The following NUBPL variants were observed in gnomAD, a reference collection of about 807,000 sequenced individuals.
NUBPL encodes the protein iron-sulfur cluster transfer protein NUBPL.
In NUBPL, 31 loss-of-function variants were observed where a neutral mutation model predicts 45.7. That is an observed-to-expected ratio of 0.68 (90% CI 0.51 to 0.92). NUBPL has a LOEUF of 0.92. Ranked by LOEUF, NUBPL falls within the 40% of genes least tolerant of loss-of-function variation. The pLI, the probability that NUBPL is intolerant of heterozygous loss-of-function variation, is 0.00. For synonymous variants in NUBPL, 144 were observed against 140.9 expected, an observed-to-expected ratio of 1.02 and a Z score of -0.15; for missense variants, 401 against 398.7, an observed-to-expected ratio of 1.01 and a Z score of -0.05.
chr14:31,561,866 C>T, intron 1 of NUBPL: 1 of 620,012 alleles, frequency 1.6e-6, no homozygotes, highest in Non-Finnish European at 2.8e-6. Context: ...TTCAGCGTAT[C>T]CTGCTAGAAA....
At chr14:31,813,107 C>A (rs1365952061) in intron 7 of NUBPL, among the ~76,000 whole-genome samples, 3 of 151,584 alleles carry the variant, frequency 2.0e-5, no homozygotes, top group African/African-American at 7.3e-5. Context: ...TCGTTTCAGC[C>A]TCCCAAGTAG....
chr14:31,661,380 T>C (rs1000694647), intron 4 of NUBPL, among the ~76,000 whole-genome samples: 3 of 152,228 alleles, frequency 2.0e-5, no homozygotes, highest in African/African-American at 7.2e-5. Flanking sequence ...TGTAAGTTTT[T>C]CTATTAAGTT....
chr14:31,712,669 G>A (rs11621390), intron 6 of NUBPL, among the ~76,000 whole-genome samples: 9,718 of 152,362 alleles, frequency 0.064, 406 homozygotes, highest in Non-Finnish European at 0.091. Context: ...GTGAGGGCTG[G>A]TAGCATGTTG....
rs556048333 is a variant in NUBPL at position 31,639,869 on chromosome 14, A to G, written c.383-33486A>G. Among the ~76,000 whole-genome samples the G allele has an allele frequency of 1.2e-4, 18 of 152,204 alleles. No individual in the cohort carries two copies. In the South Asian group the frequency reaches 3.5e-3, roughly 30 times the overall value. On this transcript the variant is annotated intron_variant, in intron 4 of 10. Coordinates refer to ENST00000281081, the MANE Select transcript of NUBPL (RefSeq NM_025152.3). ...GCTAGCAATCAGAGAGACTCCGTGG[A>G]CATAGGATGGGATTATATCCAGGTG...
chr14:31,675,488 C>T (rs569489274), intron 6 of NUBPL, among the ~76,000 whole-genome samples: 2 of 152,208 alleles, frequency 1.3e-5, no homozygotes, highest in Admixed American at 6.5e-5. Context: ...AACTTTTGTA[C>T]CTGATTCATT....
At chr14:31,561,836 C>G in intron 1 of NUBPL, 1 of 597,272 alleles carries the variant, frequency 1.7e-6, no homozygotes, top group South Asian at 2.2e-5. Context: ...AAAGAGGCAG[C>G]GTTTTTACAT....
At chr14:31,757,971 A>T (rs1035433879) in intron 6 of NUBPL, among the ~76,000 whole-genome samples, 5 of 152,094 alleles carry the variant, frequency 3.3e-5, no homozygotes, top group African/African-American at 1.2e-4. Context: ...TCTATCTGGA[A>T]ACTTTACCCT....
intron 3 of NUBPL, among the ~76,000 whole-genome samples, chr14:31,580,513 A>C (rs2033834363): frequency 6.6e-6 from 1 of 152,112 alleles, no homozygotes; most frequent in Admixed American, 6.5e-5. Flanking sequence ...AGCTACTCAG[A>C]AGGCTGAGGC....
intron 4 of NUBPL, among the ~76,000 whole-genome samples, chr14:31,672,302 T>TGTGC (rs1457849494): frequency 6.6e-6 from 1 of 151,390 alleles, no homozygotes; most frequent in Admixed American, 6.6e-5. Context: ...TGTGTGTGTG[T>TGTGC]GTGTGCATGC....
chr14:31,685,688 G>C (rs1370517115), intron 6 of NUBPL, among the ~76,000 whole-genome samples: 1 of 152,098 alleles, frequency 6.6e-6, no homozygotes, highest in African/African-American at 2.4e-5. Context: ...TTCCAAATTT[G>C]TGTTTGGAAT....
chr14:31,643,617 GT>G (rs1470266001), intron 4 of NUBPL, among the ~76,000 whole-genome samples: 1 of 151,882 alleles, frequency 6.6e-6, no homozygotes, highest in Non-Finnish European at 1.5e-5. Context: ...TTTTCTTTTT[GT>G]TGTGTTCTTG....
In NUBPL at chr14:31,620,802, C is replaced by T. The variant is rs139476984; in HGVS notation, c.382+21423C>T. ...AGGCAGTCTGCACCTTATCAGAGCTCGAACACTGTGCTGGGAGATCTGCTG... is the reference window on the plus strand; with the variant it reads ...AGGCAGTCTGCACCTTATCAGAGCTTGAACACTGTGCTGGGAGATCTGCTG... On this transcript the variant is annotated intron_variant, in intron 4 of 10. Coordinates refer to ENST00000281081, the MANE Select transcript of NUBPL (RefSeq NM_025152.3). 6.1e-3 allele frequency among the ~76,000 whole-genome samples: 927 copies of T among 152,288 alleles called. 8 individuals carry two copies. Among genetic ancestry groups the T allele is most frequent in the African/African-American group, 0.021 (860 of 41,568 alleles).
chr14:31,817,395 A>C (rs1286576337), intron 7 of NUBPL, among the ~76,000 whole-genome samples: 5 of 152,160 alleles, frequency 3.3e-5, no homozygotes, highest in Non-Finnish European at 7.4e-5. Context: ...CCAAGGTTGA[A>C]ATGAAGGAAA....
At chr14:31,776,830 C>T (rs1285297783) in intron 6 of NUBPL, among the ~76,000 whole-genome samples, 3 of 152,106 alleles carry the variant, frequency 2.0e-5, no homozygotes, top group Non-Finnish European at 4.4e-5. Context: ...AGATAGTAGA[C>T]CTTGGTTAGA....
chr14:31,561,979 T>C (rs1463209834), intron 1 of NUBPL, 89 bp from the exon 2 acceptor site: 2 of 1,344,324 alleles, frequency 1.5e-6, no homozygotes, highest in Non-Finnish European at 2.1e-6. Context: ...GCCCTCTTAA[T>C]TGCAAACCCC....
chr14:31,623,294 T>C (rs1195303610), intron 4 of NUBPL, among the ~76,000 whole-genome samples: 5 of 152,196 alleles, frequency 3.3e-5, no homozygotes, highest in African/African-American at 9.6e-5. Flanking sequence ...TACAGACTCA[T>C]ATGTGGAAGG....
intron 6 of NUBPL, among the ~76,000 whole-genome samples, chr14:31,728,133 A>C (rs1437925566): frequency 1.3e-5 from 2 of 152,100 alleles, no homozygotes; most frequent in African/African-American, 4.8e-5. Context: ...GGCAGAATTG[A>C]AGCTAGTTTT....
intron 6 of NUBPL, among the ~76,000 whole-genome samples, chr14:31,713,247 C>G (rs2037617023): frequency 1.3e-5 from 2 of 152,198 alleles, no homozygotes; most frequent in Non-Finnish European, 2.9e-5. Flanking sequence ...GAACTCCACT[C>G]TCATGGCACA....
chr14:31,564,030 A>C (rs935029606), intron 2 of NUBPL, among the ~76,000 whole-genome samples: 2 of 152,234 alleles, frequency 1.3e-5, no homozygotes, highest in Admixed American at 1.3e-4. Context: ...CTGGGATTTG[A>C]ACCAGGTCTG....
Sources: allele counts gnomAD v4.1 joint callset (sites outside exome capture counted in the v4.1 genomes callset), GRCh38; gene constraint gnomAD v4.1.1; transcripts MANE v1.5; gene names NCBI Gene and HGNC (gene_info 2026-07-23, HGNC 2026-07-21).